The following DPP10 variants were observed in gnomAD, a reference collection of about 807,000 sequenced individuals.
DPP10 encodes the protein inactive dipeptidyl peptidase 10.
DPP10 carries 33 observed loss-of-function variants against 120.9 expected under a neutral mutation model. That is an observed-to-expected ratio of 0.27 (90% CI 0.21 to 0.37). The LOEUF is 0.37. Ranked by LOEUF, DPP10 falls within the 10% of genes least tolerant of loss-of-function variation. The probability of loss-of-function intolerance (pLI) is 1.00; values close to 1 mark genes in which losing one functional copy is unlikely to be tolerated. For synonymous variants in DPP10, 337 were observed against 326.1 expected, an observed-to-expected ratio of 1.03 and a Z score of -0.36; for missense variants, 816 against 942.8, an observed-to-expected ratio of 0.87 and a Z score of 1.76.
chr2:115,460,956 G>A (rs1250786821), intron 3 of DPP10, among the ~76,000 whole-genome samples: 4 of 152,124 alleles, frequency 2.6e-5, no homozygotes, highest in Admixed American at 6.6e-5. Flanking sequence ...ACAATTTCTC[G>A]TTATATTTCA....
At chr2:115,762,540 G>A in intron 11 of DPP10, 32 bp from the exon 12 acceptor site, 1 of 1,612,982 alleles carries the variant, frequency 6.2e-7, no homozygotes, top group African/African-American at 1.3e-5. Context: ...TTGGTCTTTA[G>A]ATGCTTCATG....
intron 1 of DPP10, among the ~76,000 whole-genome samples, chr2:114,767,615 A>G (rs1381033636): frequency 6.6e-6 from 1 of 152,146 alleles, no homozygotes; most frequent in African/African-American, 2.4e-5. Context: ...AAGGGTTGCT[A>G]AAGAGGGCTG....
chr2:115,003,176 T>TAAA (rs140794959), intron 1 of DPP10, among the ~76,000 whole-genome samples: 23 of 134,318 alleles, frequency 1.7e-4, no homozygotes, highest in African/African-American at 3.3e-4. Flanking sequence ...TATGTAGCTA[T>TAAA]AAAAAAAAAA....
At chr2:115,757,338 A>T (rs888189546) in intron 11 of DPP10, among the ~76,000 whole-genome samples, 4 of 152,016 alleles carry the variant, frequency 2.6e-5, no homozygotes, top group Non-Finnish European at 5.9e-5. Context: ...CCAAAAAAAA[A>T]TAATAATAAT....
chr2:114,567,059 C>A (rs1689259547), intron 1 of DPP10, among the ~76,000 whole-genome samples: 2 of 152,290 alleles, frequency 1.3e-5, no homozygotes, highest in South Asian at 4.1e-4. Context: ...CCACTCCAGG[C>A]TCCCTCCTTC....
intron 1 of DPP10, among the ~76,000 whole-genome samples, chr2:114,965,174 G>A (rs188367531): frequency 2.0e-5 from 3 of 151,964 alleles, no homozygotes; most frequent in East Asian, 1.9e-4. Flanking sequence ...TTTTGCTCTC[G>A]TTGCCCAGGC....
chr2:114,663,102 G>A (rs1323963511), intron 1 of DPP10, among the ~76,000 whole-genome samples: 1 of 152,010 alleles, frequency 6.6e-6, no homozygotes. Context: ...CAGGAAGGAA[G>A]CTGGTACAGC....
intron 21 of DPP10, among the ~76,000 whole-genome samples, chr2:115,818,270 A>G (rs1030270156): frequency 6.6e-6 from 1 of 152,258 alleles, no homozygotes; most frequent in Non-Finnish European, 1.5e-5. Context: ...ACCTGACACT[A>G]CGAAACTGTG....
At chr2:115,630,552 T>C (rs1486276779) in intron 5 of DPP10, among the ~76,000 whole-genome samples, 1 of 152,184 alleles carries the variant, frequency 6.6e-6, no homozygotes, top group South Asian at 2.1e-4. Flanking sequence ...TTGTAATAAA[T>C]GGCTCTTATT....
In DPP10 at chr2:115,766,157, C is replaced by A. The variant is rs192768228; in HGVS notation, c.1114-2140C>A. Among the ~76,000 whole-genome samples, 54 of 151,516 alleles carry A rather than the reference C, an allele frequency of 3.6e-4. 2 individuals are homozygous for A. The highest frequency in any genetic ancestry group is 1.3e-3 in the African/African-American group (52 of 41,334). On this transcript the variant is annotated intron_variant, in intron 12 of 25. Coordinates refer to ENST00000410059, the MANE Select transcript of DPP10 (RefSeq NM_020868.6). ...AGAGAACTACATACATACATACATA[C>A]ATAAGTATGTAAATATGAGATTAGT...
At chr2:115,661,198 C>T (rs1005684836) in intron 5 of DPP10, among the ~76,000 whole-genome samples, 161 of 152,236 alleles carry the variant, frequency 1.1e-3, no homozygotes, top group African/African-American at 3.8e-3. Context: ...ATCCACCCGC[C>T]TCAGCCTCCC....
intron 1 of DPP10, among the ~76,000 whole-genome samples, chr2:114,774,955 T>G (rs565911970): frequency 6.6e-6 from 1 of 152,172 alleles, no homozygotes; most frequent in African/African-American, 2.4e-5. Flanking sequence ...GTGGTAGTTA[T>G]TATTATTCAC....
chr2:114,614,110 A>G (rs1693498362), intron 1 of DPP10, among the ~76,000 whole-genome samples: 1 of 152,158 alleles, frequency 6.6e-6, no homozygotes, highest in African/African-American at 2.4e-5. Context: ...CATTCTGCAT[A>G]TGTATCCCAG....
chr2:115,228,420 T>G (rs2057553632), intron 1 of DPP10, among the ~76,000 whole-genome samples: 1 of 152,102 alleles, frequency 6.6e-6, no homozygotes. Context: ...TTACTGTAGT[T>G]ACCCTGTTTT....
intron 3 of DPP10, among the ~76,000 whole-genome samples, chr2:115,436,420 G>A (rs1376463495): frequency 1.3e-5 from 2 of 151,426 alleles, no homozygotes; most frequent in African/African-American, 4.8e-5. Flanking sequence ...TAATTATCAG[G>A]TATTAAAGAC....
At chr2:115,003,147 G>T (rs1161445552) in intron 1 of DPP10, among the ~76,000 whole-genome samples, 1 of 146,052 alleles carries the variant, frequency 6.8e-6, no homozygotes, top group African/African-American at 2.5e-5. Flanking sequence ...TAAAGAAAAT[G>T]TGGTACACAT....
At chr2:115,315,227 C>T (rs550499360) in intron 2 of DPP10, among the ~76,000 whole-genome samples, 1 of 151,400 alleles carries the variant, frequency 6.6e-6, no homozygotes, top group African/African-American at 2.4e-5. Flanking sequence ...TGAAAGAGGG[C>T]TTTAAAAATA....
At chr2:114,452,410 A>G (rs976110264) in intron 1 of DPP10, among the ~76,000 whole-genome samples, 20 of 152,176 alleles carry the variant, frequency 1.3e-4, no homozygotes, top group Admixed American at 2.0e-4. Context: ...AAGATACAGG[A>G]AAAATTAAAG....
intron 5 of DPP10, among the ~76,000 whole-genome samples, chr2:115,575,601 C>T (rs2081606442): frequency 6.6e-6 from 1 of 152,182 alleles, no homozygotes; most frequent in South Asian, 2.1e-4. Flanking sequence ...TTTCATACAT[C>T]ACCAGCTCAG....
Sources: gnomAD v4.1 joint callset for allele counts (sites outside exome capture counted in the v4.1 genomes callset) on GRCh38, gnomAD v4.1.1 for gene constraint, MANE v1.5 for transcripts, NCBI Gene and HGNC (gene_info 2026-07-23, HGNC 2026-07-21) for gene names.